Variants in SORCS2 observed in about 807,000 individuals in gnomAD.
SORCS2 encodes the protein VPS10 domain-containing receptor SorCS2.
Under a neutral mutation model 141.6 loss-of-function variants are expected in SORCS2, and 100 were observed. The ratio of observed to expected loss-of-function variants is 0.71; its 90% CI spans 0.60 to 0.83. The LOEUF is 0.83. Ranked by LOEUF, SORCS2 falls within the 40% of genes least tolerant of loss-of-function variation. The pLI is 0.00. For synonymous variants in SORCS2, 789 were observed against 676.9 expected (o/e 1.17, Z -2.57); for missense variants, 1,646 against 1,560.2 (o/e 1.05, Z -0.93).
intron 3 of SORCS2, among the ~76,000 whole-genome samples, chr4:7,633,035 T>C (rs1326130400): frequency 6.6e-6 from 1 of 152,100 alleles, no homozygotes; most frequent in Non-Finnish European, 1.5e-5. Flanking sequence ...GCATTTAGGT[T>C]TGTTGAGGTT....
intron 3 of SORCS2, among the ~76,000 whole-genome samples, chr4:7,635,833 C>T (rs1392703775): frequency 2.6e-5 from 4 of 152,202 alleles, no homozygotes; most frequent in Non-Finnish European, 5.9e-5. Context: ...ACATCTTTCT[C>T]CGTCAGGCCC....
At chr4:7,564,210 G>T (rs1358643700) in intron 3 of SORCS2, among the ~76,000 whole-genome samples, 2 of 152,144 alleles carry the variant, frequency 1.3e-5, no homozygotes, top group South Asian at 4.1e-4. Flanking sequence ...ACACACTTGA[G>T]GCCATTTGTC....
In SORCS2 at chr4:7,636,333, C is replaced by T. The variant is rs541622943; in HGVS notation, c.649-1995C>T. Among the ~76,000 whole-genome samples the T allele has an allele frequency of 7.2e-5, 11 of 152,356 alleles. 1 individual carries two copies. The South Asian group carries it at 1.2e-3, about 17-fold the overall frequency. ...CCCGCATCTCTGCGGCGCCCGGTGC[C>T]TGTGTAAGCCAGGACTCTACAAGTT... On this transcript the variant is annotated intron_variant, in intron 3 of 26. Transcript: ENST00000507866.
intron 2 of SORCS2, among the ~76,000 whole-genome samples, chr4:7,469,704 A>G (rs4377593): frequency 0.95 from 144,041 of 152,326 alleles, 68,323 homozygotes; most frequent in East Asian, 0.99. Flanking sequence ...ATTAAATTGG[A>G]TTGGAGTGGA....
At chr4:7,196,694 A>G (rs1377540155) in intron 1 of SORCS2, among the ~76,000 whole-genome samples, 2 of 144,972 alleles carry the variant, frequency 1.4e-5, no homozygotes, top group South Asian at 2.2e-4. Flanking sequence ...CTGCGCCTAC[A>G]TGGTTAGTGG....
chr4:7,343,191 A>G (rs1720462140), intron 1 of SORCS2, among the ~76,000 whole-genome samples: 1 of 152,180 alleles, frequency 6.6e-6, no homozygotes, highest in Non-Finnish European at 1.5e-5. Context: ...TCGCCCTCAG[A>G]CGTGAGGTGG....
At chr4:7,467,166 G>T (rs112535157) in intron 2 of SORCS2, among the ~76,000 whole-genome samples, 1 of 152,142 alleles carries the variant, frequency 6.6e-6, no homozygotes, top group Non-Finnish European at 1.5e-5. Flanking sequence ...TGCCACAAGT[G>T]GTCCCCTGGA....
At chr4:7,626,759 G>T (rs1719539650) in intron 3 of SORCS2, among the ~76,000 whole-genome samples, 1 of 152,106 alleles carries the variant, frequency 6.6e-6, no homozygotes, top group Admixed American at 6.5e-5. Context: ...TTTGCACTCA[G>T]CTGTAAGGCC....
intron 3 of SORCS2, among the ~76,000 whole-genome samples, chr4:7,596,291 G>A (rs1717272820): frequency 6.6e-6 from 1 of 152,186 alleles, no homozygotes. Flanking sequence ...TGGCTGGCAT[G>A]GTAGACGGTG....
chr4:7,343,506 G>A (rs1257028939), intron 1 of SORCS2, among the ~76,000 whole-genome samples: 1 of 152,140 alleles, frequency 6.6e-6, no homozygotes, highest in East Asian at 1.9e-4. Flanking sequence ...TTTGATGAGT[G>A]GATCTCCCCA....
At position 7,386,446 on chromosome 4, in the gene SORCS2, T is replaced by C. The variant is rs373817144; in HGVS notation, c.481-9842T>C. Among the ~76,000 whole-genome samples, 34 of 85,220 alleles carry C rather than the reference T, an allele frequency of 4.0e-4. 3 individuals are homozygous for C. In the East Asian group the frequency reaches 0.013, roughly 31 times the overall value. The allele number at this position is 85,220 out of a possible 152,430, so 55.9% of individuals were successfully genotyped here. ...GCACACACATACAGGTACACAGAGATACACATGTGCACGCACACACATGCA... is the reference window on the plus strand; with the variant it reads ...GCACACACATACAGGTACACAGAGACACACATGTGCACGCACACACATGCA... On this transcript the variant is annotated intron_variant, in intron 1 of 26. Transcript: ENST00000507866.
At chr4:7,570,112 G>A (rs1715287543) in intron 3 of SORCS2, among the ~76,000 whole-genome samples, 1 of 152,228 alleles carries the variant, frequency 6.6e-6, no homozygotes, top group Admixed American at 6.5e-5. Context: ...GGTCTAAGGT[G>A]TTATTGATAG....
intron 2 of SORCS2, among the ~76,000 whole-genome samples, chr4:7,447,055 A>C (rs977077943): frequency 1.3e-5 from 2 of 152,194 alleles, no homozygotes; most frequent in African/African-American, 4.8e-5. Flanking sequence ...AAGCCATGTC[A>C]CCTTTACTGA....
At chr4:7,687,471 G>T (rs909511373) in intron 10 of SORCS2, among the ~76,000 whole-genome samples, 9 of 152,116 alleles carry the variant, frequency 5.9e-5, no homozygotes, top group African/African-American at 1.7e-4. Flanking sequence ...CACCTCACAG[G>T]TTTTCATTGG....
intron 3 of SORCS2, among the ~76,000 whole-genome samples, chr4:7,620,154 G>T (rs1462151429): frequency 6.6e-6 from 1 of 152,060 alleles, no homozygotes; most frequent in South Asian, 2.1e-4. Context: ...TGCGGATTGC[G>T]ATCTTTTGGA....
intron 3 of SORCS2, among the ~76,000 whole-genome samples, chr4:7,600,258 G>C (rs1016243524): frequency 2.6e-5 from 4 of 152,160 alleles, no homozygotes; most frequent in African/African-American, 9.7e-5. Context: ...GAAACAACAC[G>C]CATTTATCTT....
intron 1 of SORCS2, among the ~76,000 whole-genome samples, chr4:7,318,111 C>T (rs1264762035): frequency 6.6e-6 from 1 of 152,154 alleles, no homozygotes; most frequent in Non-Finnish European, 1.5e-5. Context: ...TTATTGAGTA[C>T]CTACTATGTG....
At chr4:7,222,280 C>G (rs1179528806) in intron 1 of SORCS2, among the ~76,000 whole-genome samples, 1 of 152,190 alleles carries the variant, frequency 6.6e-6, no homozygotes, top group East Asian at 1.9e-4. Context: ...TGTGGCCCAT[C>G]CACGTGGTAG....
intron 8 of SORCS2, among the ~76,000 whole-genome samples, chr4:7,675,251 A>C (rs1195112290): frequency 6.6e-6 from 1 of 152,208 alleles, no homozygotes; most frequent in East Asian, 1.9e-4. Flanking sequence ...GCTGCCCAAC[A>C]CACCTGCTTC....
Sources: gnomAD v4.1 joint callset for allele counts (sites outside exome capture counted in the v4.1 genomes callset) on GRCh38, gnomAD v4.1.1 for gene constraint, MANE v1.5 for transcripts, NCBI Gene and HGNC (gene_info 2026-07-23, HGNC 2026-07-21) for gene names.